Variants in CD99L2 observed in about 807,000 individuals in gnomAD.
CD99L2 encodes the protein CD99 antigen-like protein 2.
A neutral mutation model predicts 27.3 loss-of-function variants in CD99L2; 24 were observed. The ratio of observed to expected loss-of-function variants is 0.88; its 90% CI spans 0.64 to 1.24. The LOEUF (loss-of-function observed/expected upper bound fraction) is 1.24. Among genes scored for constraint, CD99L2 ranks in the 50% most tolerant of loss-of-function variants. The pLI is 0.00. For missense variants in CD99L2, 255 were observed against 221.6 expected (o/e 1.15, Z -0.96); for synonymous variants, 97 against 87.9 (o/e 1.10, Z -0.58).
chrX:150,809,305 C>T (rs1173727031), intron 4 of CD99L2, among the ~76,000 whole-genome samples: 1 of 111,510 alleles, frequency 9.0e-6, no homozygotes, highest in Non-Finnish European at 1.9e-5. Context: ...TCAGACAAGA[C>T]CCCTAGCCCC....
At chrX:150,778,679 A>ATATATAT (rs1569565875) in intron 7 of CD99L2, among the ~76,000 whole-genome samples, 10 of 24,112 alleles carry the variant, frequency 4.1e-4, no homozygotes, top group African/African-American at 1.1e-3. Flanking sequence ...ATAATAAAAA[A>ATATATAT]AAAAAAATAT....
rs2043339821 is a variant in CD99L2, at chrX:150,767,993, A to G, written c.*1041T>C. 9.0e-6 allele frequency: 1 copy of G among 111,447 alleles called. No individual in the cohort carries two copies. Among genetic ancestry groups the G allele is most frequent in the East Asian group, 2.8e-4 (1 of 3,513 alleles). 9.2% of individuals were successfully genotyped at this position (111,447 alleles called of 1,213,427 possible). On this transcript the variant is annotated 3_prime_UTR_variant, in exon 11 of 11. Transcript: ENST00000370377. ...CCACGGTGAGCATGGCTCCCCACGCACTCTCCCTCAGAGCAGACAAGTAGG... is the reference window on the plus strand; with the variant it reads ...CCACGGTGAGCATGGCTCCCCACGCGCTCTCCCTCAGAGCAGACAAGTAGG...
intron 1 of CD99L2, among the ~76,000 whole-genome samples, chrX:150,896,458 C>G (rs1036408553): frequency 8.9e-6 from 1 of 112,245 alleles, no homozygotes; most frequent in Non-Finnish European, 1.9e-5. Flanking sequence ...GGGTAGCAGT[C>G]TTATCTGGGT....
rs782427208 is a variant in CD99L2, at chrX:150,769,081, T to A, written c.742A>T (p.Thr248Ser). 1 of 1,163,455 alleles carries A rather than the reference T, an allele frequency of 8.6e-7. No individual in the cohort carries two copies. Among genetic ancestry groups the A allele is most frequent in the Admixed American group, 2.9e-5 (1 of 34,539 alleles). Residue 248 changes from threonine to serine, a missense_variant, in exon 11 of 11, where the codon ACG becomes TCG. By Grantham distance (58) the Thr-to-Ser change is moderately conservative. Coordinates refer to ENST00000370377, the MANE Select transcript of CD99L2 (RefSeq NM_031462.4). ...EPQVKYSTLH[T>S]QSAEPPPPPE... ...GGCGGCGGCGGCTCTGCAGACTGCGTGTGCAACGTGGAGTATTTCACTAGG... is the reference window on the plus strand; with the variant it reads ...GGCGGCGGCGGCTCTGCAGACTGCGAGTGCAACGTGGAGTATTTCACTAGG...
chrX:150,890,741 G>A (rs2047500339), intron 1 of CD99L2, among the ~76,000 whole-genome samples: 1 of 111,837 alleles, frequency 8.9e-6, no homozygotes. Context: ...GGGCAAGTGC[G>A]GCCTGCACAA....
At chrX:150,803,619 C>T (rs1324689285) in intron 4 of CD99L2, among the ~76,000 whole-genome samples, 1 of 111,474 alleles carries the variant, frequency 9.0e-6, no homozygotes, top group Non-Finnish European at 1.9e-5. Context: ...CCAAAAAGAC[C>T]CCAAATACAC....
chrX:150,824,235 AAAG>A (rs202061114), intron 2 of CD99L2, among the ~76,000 whole-genome samples: 4,811 of 55,761 alleles, frequency 0.086, 733 homozygotes, highest in African/African-American at 0.11. Context: ...GAAGAAGAAG[AAAG>A]AAGAAGGAGG....
At chrX:150,868,280 C>A (rs2047102488) in intron 1 of CD99L2, among the ~76,000 whole-genome samples, 1 of 111,453 alleles carries the variant, frequency 9.0e-6, no homozygotes, top group African/African-American at 3.3e-5. Flanking sequence ...ATAATCCCAA[C>A]AGTTTGAGAG....
chrX:150,770,162 T>A (rs1449221522), intron 10 of CD99L2, 142 bp downstream of exon 10: 8 of 517,480 alleles, frequency 1.5e-5, no homozygotes, highest in Non-Finnish European at 2.5e-5. Context: ...GGAGGCAGGC[T>A]CATCAGGGCA....
intron 7 of CD99L2, among the ~76,000 whole-genome samples, chrX:150,777,746 G>A (rs980167832): frequency 8.9e-6 from 1 of 111,893 alleles, no homozygotes. Context: ...CTCACATGCC[G>A]GGCTCTTTAG....
intron 10 of CD99L2, among the ~76,000 whole-genome samples, chrX:150,769,684 ACCAGGCCTCGGCTGCTCCCCGACC>A (rs369278860): frequency 0.034 from 3,126 of 91,465 alleles, 124 homozygotes; most frequent in African/African-American, 0.16. Context: ...TGCCTGCGCC[ACCAGGCCTCGGCTGCTCCCCGACC>A]CCAGCAAGCC....
intron 1 of CD99L2, among the ~76,000 whole-genome samples, chrX:150,875,691 A>C (rs1557422301): frequency 8.9e-6 from 1 of 111,859 alleles, no homozygotes; most frequent in Admixed American, 9.5e-5. Context: ...TGTGGGAGGG[A>C]CCTGGTGGGA....
intron 1 of CD99L2, among the ~76,000 whole-genome samples, chrX:150,849,907 T>A (rs1189045465): frequency 1.8e-5 from 2 of 111,337 alleles, no homozygotes; most frequent in African/African-American, 3.3e-5. Flanking sequence ...TAGGCCCACA[T>A]CTGCTTGATC....
intron 7 of CD99L2, among the ~76,000 whole-genome samples, chrX:150,790,104 A>C (rs1168674603): frequency 9.0e-6 from 1 of 111,029 alleles, no homozygotes; most frequent in Non-Finnish European, 1.9e-5. Context: ...AAGCCTATAT[A>C]CTGTATGGCT....
intron 7 of CD99L2, among the ~76,000 whole-genome samples, chrX:150,783,750 G>T (rs1398126229): frequency 8.9e-6 from 1 of 111,999 alleles, no homozygotes; most frequent in Non-Finnish European, 1.9e-5. Flanking sequence ...CGCAGGAGGT[G>T]GTGATCCAAA....
At chrX:150,879,683 G>A (rs2047290285) in intron 1 of CD99L2, among the ~76,000 whole-genome samples, 1 of 96,418 alleles carries the variant, frequency 1.0e-5, no homozygotes, top group African/African-American at 4.0e-5. Flanking sequence ...AAGGCAGAAG[G>A]ATCAATTGAG....
chrX:150,806,555 T>C (rs993420355), intron 4 of CD99L2, among the ~76,000 whole-genome samples: 2 of 112,243 alleles, frequency 1.8e-5, no homozygotes, highest in South Asian at 7.4e-4. Context: ...TAATTGACAC[T>C]AAAAATAAAA....
In CD99L2 at chrX:150,852,834, A is replaced by C. The variant is rs145486317; in HGVS notation, c.68-21541T>G. 5.1e-3 allele frequency among the ~76,000 whole-genome samples: 572 copies of C among 111,869 alleles called. 7 individuals are homozygous for C. The highest frequency in any genetic ancestry group is 0.014 in the Middle Eastern group (3 of 218). ...AAAAAGTCCACTGAATGAGTAGACT[A>C]TATTTTGTTCATCCATTCATCAGTT... On this transcript the variant is annotated intron_variant, in intron 1 of 10. Coordinates refer to ENST00000370377, the MANE Select transcript of CD99L2 (RefSeq NM_031462.4).
At chrX:150,808,696 C>T (rs114316559) in intron 4 of CD99L2, among the ~76,000 whole-genome samples, 9,264 of 111,472 alleles carry the variant, frequency 0.083, 329 homozygotes, top group South Asian at 0.14. Context: ...ATGTCTTTGA[C>T]GGGACTCTGA....
Sources: allele counts gnomAD v4.1 joint callset (sites outside exome capture counted in the v4.1 genomes callset), GRCh38; gene constraint gnomAD v4.1.1; transcripts MANE v1.5; gene names NCBI Gene and HGNC (gene_info 2026-07-23, HGNC 2026-07-21).